PDE1C: variants seen among roughly 807,000 people sequenced by gnomAD.
PDE1C encodes dual specificity calcium/calmodulin-dependent 3',5'-cyclic nucleotide phosphodiesterase 1C.
In PDE1C, 62 loss-of-function variants were observed where a neutral mutation model predicts 93.1. The ratio of observed to expected loss-of-function variants is 0.67; its 90% CI spans 0.54 to 0.82. The LOEUF is 0.82. Ranked by LOEUF, PDE1C falls within the 40% of genes least tolerant of loss-of-function variation. The pLI is 0.00. For synonymous variants in PDE1C, 325 were observed against 310.1 expected (o/e 1.05, Z -0.50); for missense variants, 742 against 884.6 (o/e 0.84, Z 2.04).
intron 2 of PDE1C, among the ~76,000 whole-genome samples, chr7:31,968,103 G>A (rs1360184032): frequency 6.6e-6 from 1 of 152,100 alleles, no homozygotes; most frequent in Non-Finnish European, 1.5e-5. Context: ...TGGAAGTTCT[G>A]GCCAGGGCAA....
intron 12 of PDE1C, among the ~76,000 whole-genome samples, chr7:31,826,924 C>A (rs1789757821): frequency 6.6e-6 from 1 of 152,136 alleles, no homozygotes; most frequent in African/African-American, 2.4e-5. Context: ...AGTGCTAAAG[C>A]AGCCATAGAC....
intron 2 of PDE1C, among the ~76,000 whole-genome samples, chr7:31,992,929 A>G (rs893777671): frequency 1.3e-5 from 2 of 152,202 alleles, no homozygotes; most frequent in Non-Finnish European, 2.9e-5. Flanking sequence ...CTGGCATTTT[A>G]TATGGAACAT....
chr7:31,834,475 C>T (rs1276692379), intron 11 of PDE1C, among the ~76,000 whole-genome samples: 2 of 152,210 alleles, frequency 1.3e-5, no homozygotes, highest in African/African-American at 4.8e-5. Flanking sequence ...CAGAGCTGCC[C>T]AAGACCATGA....
chr7:32,206,661 T>C (rs1003989514), intron 2 of PDE1C, among the ~76,000 whole-genome samples: 22 of 152,152 alleles, frequency 1.4e-4, no homozygotes, highest in African/African-American at 4.8e-4. Flanking sequence ...TGGGGTACTT[T>C]CCATGCGGCA....
In PDE1C at chr7:32,070,313, G is replaced by A. The variant is rs754062329; in HGVS notation, c.81C>T (p.Ile27=). The change falls in exon 1 of 18, where the codon ATC becomes ATT. Residue 27 remains isoleucine (I), a synonymous_variant. Transcript: ENST00000396191. The part of the protein sequence containing the change: ...KYLQPEQIEK[I]WLRLRGLRKY... ...CTTACAGCCCGCGGAGCCGAAGCCA[G>A]ATTTTCTCGATCTGTTCCGGTTGCA... The A allele has an allele frequency of 2.5e-6, 4 of 1,614,228 alleles. No individual in the cohort carries two copies. In the Admixed American group the frequency reaches 6.7e-5, roughly 27 times the overall value.
At chr7:32,391,787 T>C (rs975955715) in intron 1 of PDE1C, among the ~76,000 whole-genome samples, 3 of 151,972 alleles carry the variant, frequency 2.0e-5, no homozygotes, top group Non-Finnish European at 4.4e-5. Flanking sequence ...TATTTTGAGC[T>C]GAATGAAAAT....
chr7:32,163,584 A>G (rs1802046918), intron 3 of PDE1C, among the ~76,000 whole-genome samples: 1 of 152,174 alleles, frequency 6.6e-6, no homozygotes, highest in East Asian at 1.9e-4. Flanking sequence ...TGGGAAGAGA[A>G]GCTCACCAAG....
chr7:31,750,639 G>A (rs1203996971), downstream of PDE1C, among the ~76,000 whole-genome samples: 2 of 152,238 alleles, frequency 1.3e-5, no homozygotes, highest in African/African-American at 4.8e-5. Flanking sequence ...ATGCAATTTA[G>A]TAAAGCTCCC....
At chr7:31,794,045 CA>C (rs1562807606) in intron 16 of PDE1C, among the ~76,000 whole-genome samples, 13 of 89,618 alleles carry the variant, frequency 1.5e-4, no homozygotes, top group South Asian at 8.0e-4. Flanking sequence ...GATAGATAGA[CA>C]GACAGACAGA....
intron 2 of PDE1C, among the ~76,000 whole-genome samples, chr7:31,927,754 A>G (rs1467270988): frequency 6.6e-6 from 1 of 152,212 alleles, no homozygotes; most frequent in African/African-American, 2.4e-5. Context: ...ATCCACAAAA[A>G]GGACACCCAC....
intron 2 of PDE1C, among the ~76,000 whole-genome samples, chr7:31,904,889 T>C (rs1346140865): frequency 6.6e-6 from 1 of 152,160 alleles, no homozygotes; most frequent in Non-Finnish European, 1.5e-5. Flanking sequence ...TTGAATGTGT[T>C]ACCTAGTTAT....
In PDE1C at chr7:32,405,342, G is replaced by T. The variant is rs926038101; in HGVS notation, c.310+22480C>A. 2.0e-5 allele frequency among the ~76,000 whole-genome samples: 3 copies of T among 149,362 alleles called. No homozygotes were observed. The Admixed American group carries it at 2.0e-4, about 10-fold the overall frequency. On this transcript the variant is annotated intron_variant, in intron 1 of 1. Transcript: ENST00000672256. ...TCTTGGTTTACCACAACCTCTGCCC[G>T]CCAGGTTCAAGCGATTCTCCTGCCT... is the stretch of plus-strand genomic sequence containing the variant.
At chr7:32,048,025 T>C (rs1466312881) in intron 2 of PDE1C, among the ~76,000 whole-genome samples, 1 of 152,198 alleles carries the variant, frequency 6.6e-6, no homozygotes, top group South Asian at 2.1e-4. Context: ...CCAGTCCAAA[T>C]AAACCATCAA....
chr7:31,740,404 G>A, the PDE1C span, among the ~76,000 whole-genome samples: 1 of 152,190 alleles, frequency 6.6e-6, no homozygotes, highest in Admixed American at 6.5e-5. Context: ...ATCATTTGAT[G>A]AGTCTAAGTA....
At chr7:32,292,402 T>A (rs2128897831) in intron 1 of PDE1C, among the ~76,000 whole-genome samples, 1 of 152,300 alleles carries the variant, frequency 6.6e-6, no homozygotes. Flanking sequence ...TCTAAAAGTT[T>A]ATTTTTTCTT....
chr7:32,076,206 T>A (rs1584710126), upstream of PDE1C, among the ~76,000 whole-genome samples: 2 of 152,296 alleles, frequency 1.3e-5, no homozygotes, highest in East Asian at 3.9e-4. Context: ...CTGAAACAGA[T>A]CTGGTCCTTA....
intron 1 of PDE1C, among the ~76,000 whole-genome samples, chr7:32,405,056 CA>C (rs1192737187): frequency 6.6e-6 from 1 of 152,090 alleles, no homozygotes; most frequent in East Asian, 1.9e-4. Flanking sequence ...AGCCCTCCAG[CA>C]AGTGTTTCCA....
upstream of PDE1C, among the ~76,000 whole-genome samples, chr7:32,074,314 A>G (rs1796232388): frequency 2.0e-5 from 3 of 152,174 alleles, no homozygotes; most frequent in Admixed American, 1.3e-4. Flanking sequence ...TAATCACAAT[A>G]ACCACATCTA....
intron 4 of PDE1C, 93 bp from the exon 5 acceptor site, chr7:31,878,129 A>G (rs1796819955): frequency 1.2e-6 from 1 of 848,734 alleles, no homozygotes; most frequent in Non-Finnish European, 1.9e-6. Context: ...AAATAATAAG[A>G]AGTCAAGTGG....
Sources: allele counts gnomAD v4.1 joint callset (sites outside exome capture counted in the v4.1 genomes callset), GRCh38; gene constraint gnomAD v4.1.1; transcripts MANE v1.5; gene names NCBI Gene and HGNC (gene_info 2026-07-23, HGNC 2026-07-21).